The following ZNF804A variants were observed in gnomAD, a reference collection of about 807,000 sequenced individuals.
The protein encoded by ZNF804A is zinc finger protein 804A.
In ZNF804A, 2 loss-of-function variants were observed where a neutral mutation model predicts 16.5. That is an observed-to-expected ratio of 0.12 (90% CI 0.05 to 0.38). The LOEUF (loss-of-function observed/expected upper bound fraction) is 0.38. Among genes scored for constraint, ZNF804A ranks in the 10% least tolerant of loss-of-function variants. The probability of loss-of-function intolerance (pLI) is 0.99; values close to 1 mark genes in which losing one functional copy is unlikely to be tolerated. For missense variants in ZNF804A, 1,473 were observed against 1,390.7 expected (o/e 1.06, Z -0.94); for synonymous variants, 534 against 489.6 (o/e 1.09, Z -1.20).
At chr2:184,829,447 T>C (rs1401510061) in intron 1 of ZNF804A, among the ~76,000 whole-genome samples, 2 of 151,996 alleles carry the variant, frequency 1.3e-5, no homozygotes, top group African/African-American at 4.8e-5. Context: ...ATTTTTTTAT[T>C]CTTCAAGCAA....
intron 1 of ZNF804A, among the ~76,000 whole-genome samples, chr2:184,798,471 A>C (rs553598793): frequency 1.6e-4 from 24 of 151,974 alleles, no homozygotes; most frequent in Middle Eastern, 3.4e-3. Flanking sequence ...GGATTGGGTT[A>C]ATTTGAATAC....
chr2:184,709,665 A>C (rs1212145565), intron 1 of ZNF804A, among the ~76,000 whole-genome samples: 1 of 151,706 alleles, frequency 6.6e-6, no homozygotes, highest in Non-Finnish European at 1.5e-5. Context: ...AGTAGATGAG[A>C]AGTTACCAAA....
At chr2:184,661,548 T>C (rs1692176574) in intron 1 of ZNF804A, among the ~76,000 whole-genome samples, 1 of 152,114 alleles carries the variant, frequency 6.6e-6, no homozygotes, top group African/African-American at 2.4e-5. Context: ...GTCCAGAGGT[T>C]TGTATGGGCT....
intron 1 of ZNF804A, among the ~76,000 whole-genome samples, chr2:184,668,235 A>T (rs574608488): frequency 1.3e-5 from 2 of 151,922 alleles, no homozygotes; most frequent in Non-Finnish European, 1.5e-5. Context: ...ATGTGGCATG[A>T]TTCAATAAAA....
chr2:184,616,806 C>T (rs574229827), intron 1 of ZNF804A, among the ~76,000 whole-genome samples: 1 of 152,248 alleles, frequency 6.6e-6, no homozygotes, highest in South Asian at 2.1e-4. Context: ...TCATGGACCT[C>T]TTTTCATAGG....
chr2:184,852,112 T>A (rs1486385945), intron 1 of ZNF804A, among the ~76,000 whole-genome samples: 2 of 151,772 alleles, frequency 1.3e-5, no homozygotes, highest in Non-Finnish European at 3.0e-5. Flanking sequence ...TGATTGAAAA[T>A]ACAGTAGTCA....
intron 1 of ZNF804A, among the ~76,000 whole-genome samples, chr2:184,709,784 A>G (rs1322826262): frequency 6.7e-6 from 1 of 149,906 alleles, no homozygotes; most frequent in Non-Finnish European, 1.5e-5. Context: ...TTCCTTCTTT[A>G]GACTTTTCAT....
In ZNF804A at chr2:184,785,778, T is replaced by A. The variant is rs145094107; in HGVS notation, c.112-80591T>A. 3.2e-3 allele frequency among the ~76,000 whole-genome samples: 494 copies of A among 152,222 alleles called. 3 individuals carry two copies. The highest frequency in any genetic ancestry group is 6.8e-3 in the Middle Eastern group (2 of 294). On this transcript the variant is annotated intron_variant, in intron 1 of 3. Coordinates refer to ENST00000302277, the MANE Select transcript of ZNF804A (RefSeq NM_194250.2). Reference sequence around the variant, plus strand: ...AGATACCACACATAAAATACATATCTGTGCATATATAAATGCATACACATA... The same window carrying A: ...AGATACCACACATAAAATACATATCAGTGCATATATAAATGCATACACATA...
At chr2:184,730,363 G>T (rs935595206) in intron 1 of ZNF804A, among the ~76,000 whole-genome samples, 6 of 151,944 alleles carry the variant, frequency 3.9e-5, no homozygotes, top group African/African-American at 7.3e-5. Context: ...TAAAATTGAC[G>T]AATATACACA....
chr2:184,700,428 A>G (rs1692900612), intron 1 of ZNF804A, among the ~76,000 whole-genome samples: 1 of 152,110 alleles, frequency 6.6e-6, no homozygotes, highest in African/African-American at 2.4e-5. Flanking sequence ...TAGGCAGCCT[A>G]TAGTCATAAC....
At chr2:184,720,099 C>A (rs961197032) in intron 1 of ZNF804A, among the ~76,000 whole-genome samples, 2 of 152,072 alleles carry the variant, frequency 1.3e-5, no homozygotes, top group Non-Finnish European at 2.9e-5. Context: ...CAGTGGCAGA[C>A]AAGAGAAGAC....
chr2:184,796,291 A>C (rs181992475), intron 1 of ZNF804A, among the ~76,000 whole-genome samples: 1 of 152,052 alleles, frequency 6.6e-6, no homozygotes, highest in Non-Finnish European at 1.5e-5. Flanking sequence ...CAATAGGATT[A>C]GTACCAATTC....
At chr2:184,915,723 C>T (rs970662600) in intron 2 of ZNF804A, among the ~76,000 whole-genome samples, 3 of 152,006 alleles carry the variant, frequency 2.0e-5, no homozygotes, top group Admixed American at 2.0e-4. Flanking sequence ...CAAAGAGAAA[C>T]TTGAGTTAAT....
chr2:184,891,974 C>T (rs1290111764), intron 2 of ZNF804A, among the ~76,000 whole-genome samples: 6 of 152,012 alleles, frequency 3.9e-5, no homozygotes, highest in African/African-American at 9.7e-5. Flanking sequence ...GAAAAATGTG[C>T]TCAAGTTGTG....
intron 1 of ZNF804A, among the ~76,000 whole-genome samples, chr2:184,771,530 T>G (rs906847747): frequency 6.6e-6 from 1 of 151,818 alleles, no homozygotes; most frequent in African/African-American, 2.4e-5. Flanking sequence ...GAGGATCACT[T>G]GAGCCTAGGA....
At chr2:184,884,678 G>GT (rs764144750) in intron 2 of ZNF804A, among the ~76,000 whole-genome samples, 36 of 151,418 alleles carry the variant, frequency 2.4e-4, no homozygotes, top group South Asian at 4.2e-4. Flanking sequence ...TCTTTATACT[G>GT]TATACAAAAA....
intron 1 of ZNF804A, among the ~76,000 whole-genome samples, chr2:184,807,033 T>C (rs1694818262): frequency 6.6e-6 from 1 of 151,954 alleles, no homozygotes; most frequent in African/African-American, 2.4e-5. Context: ...TAGTGTTATA[T>C]TGTCTCTGCT....
chr2:184,678,214 ATACT>A (rs1401029095), intron 1 of ZNF804A, among the ~76,000 whole-genome samples: 3 of 152,060 alleles, frequency 2.0e-5, no homozygotes, highest in Admixed American at 2.0e-4. Context: ...ATATATTATA[ATACT>A]TAAGAAGAAA....
At chr2:184,917,859 C>T (rs1685476290) in intron 2 of ZNF804A, among the ~76,000 whole-genome samples, 1 of 151,874 alleles carries the variant, frequency 6.6e-6, no homozygotes. Flanking sequence ...ATTCTCATGT[C>T]AATTGAAGTC....
Sources: allele counts gnomAD v4.1 joint callset (sites outside exome capture counted in the v4.1 genomes callset), GRCh38; gene constraint gnomAD v4.1.1; transcripts MANE v1.5; gene names NCBI Gene and HGNC (gene_info 2026-07-23, HGNC 2026-07-21).